PRKCE: variants seen among roughly 807,000 people sequenced by gnomAD.
PRKCE encodes the protein protein kinase C epsilon type.
Under a neutral mutation model 85.4 loss-of-function variants are expected in PRKCE, and 16 were observed. That is an observed-to-expected ratio of 0.19 (90% confidence interval 0.13 to 0.28). The LOEUF is 0.28. Ranked by LOEUF, PRKCE falls within the 10% of genes least tolerant of loss-of-function variation. The probability of loss-of-function intolerance (pLI) is 1.00; values close to 1 mark genes in which losing one functional copy is unlikely to be tolerated. For missense variants in PRKCE, 573 were observed against 975.2 expected (o/e 0.59, Z 5.49); for synonymous variants, 388 against 371.5 (o/e 1.04, Z -0.51).
rs543785825 is a variant in PRKCE at position 45,981,981 on chromosome 2, A to G, written c.693+1600A>G. On this transcript the variant is annotated intron_variant, in intron 5 of 14. Coordinates refer to ENST00000306156, the MANE Select transcript of PRKCE (RefSeq NM_005400.3). ...CAGAACCCAGCTTGATCTGTGACCC[A>G]GTTCTTCTGACTGTCTTTCCTGGCA... 1.7e-4 allele frequency among the ~76,000 whole-genome samples: 26 copies of G among 152,380 alleles called. No individual in the cohort carries two copies. In the South Asian group the frequency reaches 1.9e-3, roughly 11 times the overall value.
chr2:45,897,945 G>T (rs547269110), intron 2 of PRKCE, among the ~76,000 whole-genome samples: 13 of 152,260 alleles, frequency 8.5e-5, no homozygotes, highest in Middle Eastern at 6.8e-3. Flanking sequence ...CCAACCTCTG[G>T]TGTGATTTGG....
rs1183019824 is a variant in PRKCE, at chr2:46,187,200, C to T, written c.*2319C>T. On this transcript the variant is annotated 3_prime_UTR_variant, in exon 15 of 15. Coordinates refer to ENST00000306156, the MANE Select transcript of PRKCE (RefSeq NM_005400.3). ...AACCGCAATGCCAGATGGCCTTGTC[C>T]GAGGGCCTAGTGTTTGCACGGCAGT... 1 of 152,630 alleles carries T rather than the reference C, an allele frequency of 6.6e-6. No homozygotes were observed. Among genetic ancestry groups the T allele is most frequent in the South Asian group, 2.1e-4 (1 of 4,834 alleles). The allele number at this position is 152,630 out of a possible 1,614,324, so 9.5% of individuals were successfully genotyped here.
chr2:46,077,164 C>T (rs1242958089), intron 10 of PRKCE, among the ~76,000 whole-genome samples: 1 of 97,300 alleles, frequency 1.0e-5, no homozygotes, highest in African/African-American at 3.1e-5. Flanking sequence ...GTCTCTTTCT[C>T]GTGCACACAC....
rs1040011676 is a variant in PRKCE at position 46,004,337 on chromosome 2, G to A, written c.967-205G>A. The A allele has an allele frequency of 9.8e-6, 5 of 510,898 alleles. No individual in the cohort carries two copies. Among genetic ancestry groups the A allele is most frequent in the African/African-American group, 7.8e-5 (4 of 51,562 alleles). 31.6% of individuals were successfully genotyped at this position (510,898 alleles called of 1,614,324 possible). On this transcript the variant is annotated intron_variant, in intron 7 of 14. Transcript: ENST00000306156. This position sits in a 1 kb window ranked among gnomAD's most constrained non-coding sequence, Gnocchi z 4.1. ...GAAGGTGCACTGAAATTCCTTTTGT[G>A]GTTCTTGCTCTGGTCAGACGTCACA...
chr2:46,094,668 A>G (rs1049235028), intron 11 of PRKCE, among the ~76,000 whole-genome samples: 1 of 152,188 alleles, frequency 6.6e-6, no homozygotes, highest in Non-Finnish European at 1.5e-5. Context: ...AGCATCAGAA[A>G]GAATAGCTAA....
At chr2:45,769,527 T>C (rs1055815579) in intron 1 of PRKCE, among the ~76,000 whole-genome samples, 3 of 152,212 alleles carry the variant, frequency 2.0e-5, no homozygotes, top group African/African-American at 7.2e-5. Flanking sequence ...AGCAGGGATC[T>C]TGGGCCCCGG....
At chr2:45,767,865 T>C (rs762433348) in intron 1 of PRKCE, among the ~76,000 whole-genome samples, 1 of 152,192 alleles carries the variant, frequency 6.6e-6, no homozygotes, top group Non-Finnish European at 1.5e-5. Context: ...TCCTAGAGCA[T>C]TGTAAACTAG....
intron 1 of PRKCE, among the ~76,000 whole-genome samples, chr2:45,746,687 C>T (rs1052803227): frequency 6.6e-6 from 1 of 152,220 alleles, no homozygotes; most frequent in East Asian, 1.9e-4. Flanking sequence ...TTTCCCACAG[C>T]ATCCCATGGA....
chr2:45,847,417 G>A (rs1360401978), intron 2 of PRKCE, among the ~76,000 whole-genome samples: 1 of 152,126 alleles, frequency 6.6e-6, no homozygotes, highest in Admixed American at 6.5e-5. Context: ...CTTTCAGAAG[G>A]GATATTTTAG....
At chr2:45,749,941 G>A (rs140735256) in intron 1 of PRKCE, among the ~76,000 whole-genome samples, 1,719 of 152,234 alleles carry the variant, frequency 0.011, 42 homozygotes, top group African/African-American at 0.039. Flanking sequence ...CTGCATAAAA[G>A]GATAAGGCCT....
intron 2 of PRKCE, among the ~76,000 whole-genome samples, chr2:45,857,270 T>C (rs1692753742): frequency 6.6e-6 from 1 of 152,234 alleles, no homozygotes. Context: ...TGAACATTAT[T>C]ATGGAGGATT....
At chr2:46,108,106 T>G (rs1382403695) in intron 11 of PRKCE, among the ~76,000 whole-genome samples, 4 of 152,138 alleles carry the variant, frequency 2.6e-5, no homozygotes, top group Admixed American at 6.5e-5. Context: ...TTTTTAGGGT[T>G]TTTTTGAGAC....
rs561205799 is a variant in PRKCE at position 45,784,295 on chromosome 2, T to C, written c.349-58705T>C. On this transcript the variant is annotated intron_variant, in intron 1 of 14. Coordinates refer to ENST00000306156, the MANE Select transcript of PRKCE (RefSeq NM_005400.3). The stretch of plus-strand genomic sequence containing the variant: ...GGTGGTCTTTGCAGAGGGAGCAGTG[T>C]TGACAAGGCCCCTGTAGGCGTGAGG... Among the ~76,000 whole-genome samples, 28 of 152,342 alleles carry C rather than the reference T, an allele frequency of 1.8e-4. No individual in the cohort carries two copies. The South Asian group carries it at 5.8e-3, about 32-fold the overall frequency.
chr2:46,089,249 A>G (rs1669934452), intron 11 of PRKCE, among the ~76,000 whole-genome samples: 1 of 152,138 alleles, frequency 6.6e-6, no homozygotes, highest in African/African-American at 2.4e-5. Flanking sequence ...GACAACTTCT[A>G]CATGCCAATG....
intron 11 of PRKCE, among the ~76,000 whole-genome samples, chr2:46,095,029 T>C (rs549777278): frequency 1.3e-5 from 2 of 152,340 alleles, no homozygotes; most frequent in South Asian, 4.1e-4. Flanking sequence ...TCGCCCGGCA[T>C]AGATCTCTTC....
At chr2:45,961,944 C>T (rs1701411202) in intron 2 of PRKCE, among the ~76,000 whole-genome samples, 1 of 152,182 alleles carries the variant, frequency 6.6e-6, no homozygotes, top group East Asian at 1.9e-4. Flanking sequence ...ATCCACCTGC[C>T]TCGGCCTGGC....
At chr2:45,772,150 C>T (rs186548450) in intron 1 of PRKCE, among the ~76,000 whole-genome samples, 96 of 152,136 alleles carry the variant, frequency 6.3e-4, no homozygotes, top group African/African-American at 2.2e-3. Flanking sequence ...AGCACCCAGA[C>T]ATGCTGGTGC....
At chr2:46,137,596 CAA>C (rs755179864) in intron 11 of PRKCE, among the ~76,000 whole-genome samples, 20 of 77,778 alleles carry the variant, frequency 2.6e-4, no homozygotes, top group Admixed American at 4.1e-4. Flanking sequence ...ACTAAAATTA[CAA>C]AAAAAAAAAA....
intron 11 of PRKCE, among the ~76,000 whole-genome samples, chr2:46,117,448 G>A (rs114659228): frequency 0.011 from 1,681 of 152,266 alleles, 45 homozygotes; most frequent in African/African-American, 0.038. Context: ...TTCTGAGTTG[G>A]CTTTGAAATG....
Sources: gnomAD v4.1 joint callset for allele counts (sites outside exome capture counted in the v4.1 genomes callset) on GRCh38, gnomAD v4.1.1 for gene constraint, Gnocchi (gnomAD v3.1) non-coding constraint, MANE v1.5 for transcripts, NCBI Gene and HGNC (gene_info 2026-07-23, HGNC 2026-07-21) for gene names.